The following THSD7B variants were observed in gnomAD, a reference collection of about 807,000 sequenced individuals.
THSD7B encodes the protein thrombospondin type-1 domain-containing protein 7B.
Under a neutral mutation model 213.6 loss-of-function variants are expected in THSD7B, and 138 were observed. The ratio of observed to expected loss-of-function variants is 0.65; its 90% CI spans 0.56 to 0.74. THSD7B has a LOEUF of 0.74. Among genes scored for constraint, THSD7B ranks in the 30% least tolerant of loss-of-function variants. The probability of loss-of-function intolerance (pLI) is 0.00; values close to 1 mark genes in which losing one functional copy is unlikely to be tolerated. For missense variants in THSD7B, 1,931 were observed against 1,991.5 expected, an observed-to-expected ratio of 0.97 and a Z score of 0.58; for synonymous variants, 742 against 687.0, an observed-to-expected ratio of 1.08 and a Z score of -1.25.
chr2:137,170,988 A>T, intron 7 of THSD7B, 50 bp downstream of exon 7: 11 of 1,576,580 alleles, frequency 7.0e-6, no homozygotes, highest in Non-Finnish European at 9.5e-6. Context: ...GTATCAGCCA[A>T]ATAACACATG....
intron 5 of THSD7B, among the ~76,000 whole-genome samples, chr2:137,152,550 G>A (rs909436999): frequency 2.0e-5 from 3 of 152,094 alleles, no homozygotes; most frequent in East Asian, 1.9e-4. Flanking sequence ...ATAATTGTAC[G>A]CACCTGAGTG....
intron 12 of THSD7B, among the ~76,000 whole-genome samples, chr2:137,355,216 T>C (rs1685101601): frequency 6.6e-6 from 1 of 152,156 alleles, no homozygotes; most frequent in Admixed American, 6.6e-5. Flanking sequence ...TTATTTTTGC[T>C]GGAGCAAGAG....
chr2:137,348,384 A>G (rs1684926191), intron 12 of THSD7B, among the ~76,000 whole-genome samples: 1 of 151,518 alleles, frequency 6.6e-6, no homozygotes, highest in African/African-American at 2.4e-5. Context: ...CTGGTTTTTG[A>G]TTTTCTGAGG....
chr2:136,781,655 T>C (rs1400066311), intron 1 of THSD7B, among the ~76,000 whole-genome samples: 1 of 152,078 alleles, frequency 6.6e-6, no homozygotes, highest in Non-Finnish European at 1.5e-5. Context: ...CCTCTTCCTG[T>C]GCCTGGCATA....
chr2:137,459,396 G>A (rs1471533830), intron 15 of THSD7B, among the ~76,000 whole-genome samples: 1 of 152,152 alleles, frequency 6.6e-6, no homozygotes, highest in African/African-American at 2.4e-5. Context: ...ACCCAGTGTG[G>A]TGGCTCAAGC....
intron 26 of THSD7B, among the ~76,000 whole-genome samples, chr2:137,666,296 T>A (rs1178503186): frequency 6.6e-6 from 1 of 151,996 alleles, no homozygotes; most frequent in African/African-American, 2.4e-5. Flanking sequence ...TTTTGATCAA[T>A]GTAAAAACTC....
intron 2 of THSD7B, among the ~76,000 whole-genome samples, chr2:136,994,139 T>C (rs1358479380): frequency 6.6e-6 from 1 of 152,110 alleles, no homozygotes; most frequent in Admixed American, 6.6e-5. Flanking sequence ...ATTTGCTTGG[T>C]GGATAGGTGA....
At chr2:137,581,370 C>T (rs1426766964) in intron 17 of THSD7B, among the ~76,000 whole-genome samples, 2 of 152,010 alleles carry the variant, frequency 1.3e-5, no homozygotes, top group African/African-American at 2.4e-5. Flanking sequence ...GGCAGATCAC[C>T]TGAGGTTGGG....
At chr2:137,591,053 CTGTT>C (rs1236246663) in intron 17 of THSD7B, among the ~76,000 whole-genome samples, 1 of 151,698 alleles carries the variant, frequency 6.6e-6, no homozygotes, top group Non-Finnish European at 1.5e-5. Flanking sequence ...TTATTTCACT[CTGTT>C]TATTACTTTT....
chr2:136,912,523 CATA>C lies in THSD7B; in HGVS notation c.139+30213_139+30215del, dbSNP rs1378631187. On this transcript the variant is annotated intron_variant, in intron 2 of 27. Transcript: ENST00000409968. ...TTGGTTTTATCACCTGTAAATAGGT[CATA>C]ATAATATTATTAATTGTTATGGTTT... Among the ~76,000 whole-genome samples the C allele has an allele frequency of 2.0e-5, 3 of 151,938 alleles. No homozygotes were observed. The East Asian group carries it at 5.8e-4, about 29-fold the overall frequency.
chr2:137,275,057 A>G (rs966972336), intron 11 of THSD7B, among the ~76,000 whole-genome samples: 13 of 152,094 alleles, frequency 8.5e-5, no homozygotes, highest in African/African-American at 2.9e-4. Flanking sequence ...ATCTGTAGTT[A>G]TACTTAGGGT....
At chr2:137,301,371 C>T (rs1386269958) in intron 12 of THSD7B, among the ~76,000 whole-genome samples, 1 of 151,870 alleles carries the variant, frequency 6.6e-6, no homozygotes, top group East Asian at 1.9e-4. Flanking sequence ...ATCATAAACA[C>T]CAGGTCTAGA....
intron 14 of THSD7B, among the ~76,000 whole-genome samples, chr2:137,446,538 G>T (rs1012017307): frequency 2.0e-5 from 3 of 151,748 alleles, no homozygotes; most frequent in Non-Finnish European, 2.9e-5. Context: ...GATTTTTTTT[G>T]AGCATCTACT....
intron 2 of THSD7B, among the ~76,000 whole-genome samples, chr2:136,883,077 A>T (rs2104992321): frequency 6.6e-6 from 1 of 152,252 alleles, no homozygotes; most frequent in South Asian, 2.1e-4. Flanking sequence ...TCACAATCAG[A>T]TCATTTAAAA....
chr2:136,774,014 C>T (rs1681557716), intron 1 of THSD7B, among the ~76,000 whole-genome samples: 1 of 151,932 alleles, frequency 6.6e-6, no homozygotes, highest in Non-Finnish European at 1.5e-5. Flanking sequence ...TCCCACATAC[C>T]TTTCATTTTG....
At chr2:137,309,643 C>T (rs1683843487) in intron 12 of THSD7B, among the ~76,000 whole-genome samples, 1 of 152,078 alleles carries the variant, frequency 6.6e-6, no homozygotes, top group South Asian at 2.1e-4. Flanking sequence ...TCTCCCAATG[C>T]TATCCCTACC....
chr2:137,373,765 T>C (rs532034438), intron 12 of THSD7B, among the ~76,000 whole-genome samples: 1 of 152,348 alleles, frequency 6.6e-6, no homozygotes, highest in East Asian at 1.9e-4. Context: ...AGACATGAAG[T>C]CCTTGCCCAT....
intron 12 of THSD7B, among the ~76,000 whole-genome samples, chr2:137,404,879 A>T (rs1686475678): frequency 6.6e-6 from 1 of 152,048 alleles, no homozygotes; most frequent in Admixed American, 6.6e-5. Flanking sequence ...GGGGTGAGGG[A>T]TAAAAGACAA....
intron 6 of THSD7B, among the ~76,000 whole-genome samples, chr2:137,167,335 G>T (rs1313411803): frequency 6.6e-6 from 1 of 151,936 alleles, no homozygotes; most frequent in African/African-American, 2.4e-5. Flanking sequence ...TGAGTAGCTG[G>T]GATTACAGGC....
Sources: gnomAD v4.1 joint callset for allele counts (sites outside exome capture counted in the v4.1 genomes callset) on GRCh38, gnomAD v4.1.1 for gene constraint, MANE v1.5 for transcripts, NCBI Gene and HGNC (gene_info 2026-07-23, HGNC 2026-07-21) for gene names.